Variants in WDR70 observed in about 807,000 individuals in gnomAD.
The protein encoded by WDR70 is WD repeat domain 70, also known as WD repeat-containing protein 70.
Under a neutral mutation model 88.6 loss-of-function variants are expected in WDR70, and 53 were observed. The observed-to-expected ratio is 0.60, with a 90% CI of 0.48 to 0.75. The LOEUF (loss-of-function observed/expected upper bound fraction) is 0.75. WDR70 is among the 30% of genes least tolerant of loss of function. WDR70 has a pLI of 0.00. For synonymous variants in WDR70, 280 were observed against 270.0 expected (o/e 1.04, Z -0.36); for missense variants, 610 against 823.2 (o/e 0.74, Z 3.17).
chr5:37,688,399 T>G (rs1466173897), intron 10 of WDR70, among the ~76,000 whole-genome samples: 1 of 152,226 alleles, frequency 6.6e-6, no homozygotes, highest in Non-Finnish European at 1.5e-5. Context: ...TGATAGGTCT[T>G]TCTTCTATTT....
At chr5:37,641,312 G>C (rs111364943) in intron 10 of WDR70, among the ~76,000 whole-genome samples, 16,052 of 151,840 alleles carry the variant, frequency 0.11, 2,725 homozygotes, top group African/African-American at 0.36. Context: ...TGCCATGTTG[G>C]CGAGGCTGGT....
chr5:37,609,080 A>G (rs1055770983), intron 10 of WDR70, among the ~76,000 whole-genome samples: 1 of 152,368 alleles, frequency 6.6e-6, no homozygotes, highest in East Asian at 1.9e-4. Context: ...TTTAAAGAAT[A>G]GTAGCATAAA....
chr5:37,570,793 T>A (rs1742877790), intron 9 of WDR70, among the ~76,000 whole-genome samples: 1 of 152,200 alleles, frequency 6.6e-6, no homozygotes, highest in African/African-American at 2.4e-5. Context: ...TTCCTCCCAC[T>A]TAGAATGTTC....
chr5:37,410,249 G>A (rs1480298824), intron 5 of WDR70, among the ~76,000 whole-genome samples: 1 of 146,710 alleles, frequency 6.8e-6, no homozygotes, highest in Admixed American at 6.9e-5. Flanking sequence ...ATGTTGCCAA[G>A]GCTGGTCTCG....
intron 9 of WDR70, among the ~76,000 whole-genome samples, chr5:37,556,532 C>G (rs1742299333): frequency 6.6e-6 from 1 of 152,182 alleles, no homozygotes; most frequent in African/African-American, 2.4e-5. Flanking sequence ...TGATCTTAAG[C>G]AAACTTACTA....
At chr5:37,450,360 A>T (rs547890805) in intron 7 of WDR70, among the ~76,000 whole-genome samples, 19 of 152,242 alleles carry the variant, frequency 1.2e-4, no homozygotes, top group Non-Finnish European at 2.2e-4. Context: ...TCTTAGGCTG[A>T]CTCAGCTGAC....
chr5:37,691,917 G>C (rs566093847), intron 10 of WDR70, among the ~76,000 whole-genome samples: 1 of 152,276 alleles, frequency 6.6e-6, no homozygotes, highest in South Asian at 2.1e-4. Context: ...GAATCCAGGA[G>C]CTGGTTTTTT....
intron 9 of WDR70, among the ~76,000 whole-genome samples, chr5:37,604,532 T>C (rs563936760): frequency 2.2e-4 from 33 of 152,374 alleles, no homozygotes; most frequent in South Asian, 6.2e-4. Flanking sequence ...TGTTGCTTGT[T>C]GCTTGGCAAA....
chr5:37,671,968 T>G (rs1746039174), intron 10 of WDR70, among the ~76,000 whole-genome samples: 1 of 152,180 alleles, frequency 6.6e-6, no homozygotes, highest in South Asian at 2.1e-4. Flanking sequence ...TCCATTTTGA[T>G]CTGTATTTGA....
At chr5:37,554,711 A>T (rs1742250045) in intron 9 of WDR70, among the ~76,000 whole-genome samples, 1 of 135,636 alleles carries the variant, frequency 7.4e-6, no homozygotes, top group South Asian at 2.3e-4. Flanking sequence ...CACACATTTT[A>T]AATAGACAGG....
chr5:37,699,354 ACACACAGT>A (rs1747076166), intron 11 of WDR70, among the ~76,000 whole-genome samples: 2 of 145,174 alleles, frequency 1.4e-5, no homozygotes, highest in Non-Finnish European at 1.5e-5. Context: ...ACACACACAC[ACACACAGT>A]GTGTGTGTGT....
intron 5 of WDR70, among the ~76,000 whole-genome samples, chr5:37,431,893 CTTTT>C (rs981953367): frequency 1.3e-5 from 2 of 152,252 alleles, no homozygotes; most frequent in African/African-American, 4.8e-5. Context: ...AATTTTCTTT[CTTTT>C]AAGACGGAAA....
chr5:37,548,955 T>C (rs1742069640), intron 9 of WDR70, among the ~76,000 whole-genome samples: 1 of 152,214 alleles, frequency 6.6e-6, no homozygotes, highest in African/African-American at 2.4e-5. Flanking sequence ...TCACTACAGG[T>C]GTGTGGATTT....
At chr5:37,390,411 C>T (rs1469851585) in intron 3 of WDR70, among the ~76,000 whole-genome samples, 1 of 149,628 alleles carries the variant, frequency 6.7e-6, no homozygotes, top group Non-Finnish European at 1.5e-5. Context: ...ACGATCTTGG[C>T]TCACTGCAAG....
intron 10 of WDR70, among the ~76,000 whole-genome samples, chr5:37,661,211 G>C (rs1745692317): frequency 6.6e-6 from 1 of 152,188 alleles, no homozygotes; most frequent in Non-Finnish European, 1.5e-5. Context: ...CTACAACATT[G>C]GACAGTATGG....
intron 10 of WDR70, among the ~76,000 whole-genome samples, chr5:37,683,517 T>G (rs563679574): frequency 1.3e-5 from 2 of 152,184 alleles, no homozygotes; most frequent in African/African-American, 2.4e-5. Flanking sequence ...TCTTCAGGAC[T>G]GCTTATAAGG....
intron 10 of WDR70, among the ~76,000 whole-genome samples, chr5:37,619,740 GT>G (rs576794251): frequency 6.8e-5 from 10 of 146,450 alleles, no homozygotes; most frequent in South Asian, 4.4e-4. Context: ...TCCCTGTTTG[GT>G]TTTTTTTTTG....
At chr5:37,606,887 C>T (rs961780283) in intron 10 of WDR70, among the ~76,000 whole-genome samples, 1 of 25,498 alleles carries the variant, frequency 3.9e-5, no homozygotes, top group Non-Finnish European at 8.2e-5. Context: ...CTTGCTCCCC[C>T]CTCCCCTCCC....
intron 4 of WDR70, among the ~76,000 whole-genome samples, chr5:37,394,180 C>T (rs1443198065): frequency 6.6e-6 from 1 of 151,156 alleles, no homozygotes; most frequent in Non-Finnish European, 1.5e-5. Flanking sequence ...TGGCTCATGC[C>T]TGTAATTCCA....
Sources: gnomAD v4.1 joint callset for allele counts (sites outside exome capture counted in the v4.1 genomes callset) on GRCh38, gnomAD v4.1.1 for gene constraint, MANE v1.5 for transcripts, NCBI Gene and HGNC (gene_info 2026-07-23, HGNC 2026-07-21) for gene names.